The following TTC8 variants were observed in gnomAD, a reference collection of about 807,000 sequenced individuals.
TTC8 encodes tetratricopeptide repeat protein 8.
In TTC8, 47 loss-of-function variants were observed where a neutral mutation model predicts 72.5. That is an observed-to-expected ratio of 0.65 (90% CI 0.51 to 0.83). TTC8 has a LOEUF of 0.83. Among genes scored for constraint, TTC8 ranks in the 40% least tolerant of loss-of-function variants. The pLI, the probability that TTC8 is intolerant of heterozygous loss-of-function variation, is 0.00. For synonymous variants in TTC8, 199 were observed against 221.4 expected, an observed-to-expected ratio of 0.90 and a Z score of 0.90; for missense variants, 611 against 623.2, an observed-to-expected ratio of 0.98 and a Z score of 0.21.
chr14:88,843,466 A>T (rs1272781393), intron 6 of TTC8, among the ~76,000 whole-genome samples: 1 of 151,990 alleles, frequency 6.6e-6, no homozygotes, highest in East Asian at 1.9e-4. Flanking sequence ...CTAAATTATC[A>T]TTATTAATAT....
chr14:88,869,030 A>G (rs2094922681), intron 10 of TTC8, among the ~76,000 whole-genome samples: 1 of 152,222 alleles, frequency 6.6e-6, no homozygotes, highest in Non-Finnish European at 1.5e-5. Context: ...GTGCTTCTTA[A>G]CAATCAGTAG....
intron 7 of TTC8, chr14:88,846,644 T>A: frequency 6.8e-7 from 1 of 1,463,394 alleles, no homozygotes; most frequent in Non-Finnish European, 9.2e-7. Context: ...TACCCATTCT[T>A]ATTGAGGAAT....
rs142233003 is a variant in TTC8 at position 88,860,566 on chromosome 14, C to A, written c.799-656C>A. Among the ~76,000 whole-genome samples the A allele has an allele frequency of 1.2e-3, 184 of 152,272 alleles. 1 individual carries two copies. Among genetic ancestry groups the A allele is most frequent in the African/African-American group, 4.3e-3 (178 of 41,552 alleles). ...TTTATTCAGCATCTTTAACCTCAGT[C>A]TCCTAATTGGTTTCTTAATGCCAGC... On this transcript the variant is annotated intron_variant, in intron 9 of 14. Coordinates refer to ENST00000380656, the MANE Select transcript of TTC8 (RefSeq NM_144596.4).
Position 88,840,851 on chromosome 14 carries a change from A to G in TTC8, c.266-14A>G, listed in dbSNP as rs2094776901. 1.2e-6 allele frequency: 2 copies of G among 1,613,632 alleles called. No homozygotes were observed. The highest frequency in any genetic ancestry group is 2.2e-5 in the South Asian group (2 of 91,070). On this transcript the variant is annotated splice_polypyrimidine_tract_variant and intron_variant, in intron 3 of 14. Transcript: ENST00000380656. Reference sequence around the variant, plus strand: ...AGATAATATATAAATTGTATTAGCCATCTTGTCTCCTAGGCCCTGGAACGT... The same window carrying G: ...AGATAATATATAAATTGTATTAGCCGTCTTGTCTCCTAGGCCCTGGAACGT...
chr14:88,860,279 T>G (rs1367612765), intron 9 of TTC8, among the ~76,000 whole-genome samples: 1 of 152,124 alleles, frequency 6.6e-6, no homozygotes, highest in Admixed American at 6.6e-5. Context: ...ACACCCTTAC[T>G]GTTTAGAAAG....
In TTC8 at chr14:88,839,583, G is replaced by A. The variant is rs1404546954; in HGVS notation, c.265+11G>A. 1 of 1,612,316 alleles carries A rather than the reference G, an allele frequency of 6.2e-7. No individual in the cohort carries two copies. Among genetic ancestry groups the A allele is most frequent in the Admixed American group, 1.7e-5 (1 of 59,942 alleles). ...TAGCTCAAGTTCCACGTAAGTATTGGGTTTTCAGTTAAGTTAATGAAATAC... is the reference window on the plus strand; with the variant it reads ...TAGCTCAAGTTCCACGTAAGTATTGAGTTTTCAGTTAAGTTAATGAAATAC... On this transcript the variant is annotated intron_variant, in intron 3 of 14. Transcript: ENST00000380656.
intron 10 of TTC8, among the ~76,000 whole-genome samples, chr14:88,862,522 T>TTCTC (rs1262811355): frequency 1.1e-5 from 1 of 88,778 alleles, no homozygotes; most frequent in South Asian, 4.1e-4. Context: ...TTACATTCCA[T>TTCTC]TCTCTCTCTC....
chr14:88,864,030 A>G (rs2094899402), intron 10 of TTC8, among the ~76,000 whole-genome samples: 1 of 152,158 alleles, frequency 6.6e-6, no homozygotes, highest in African/African-American at 2.4e-5. Flanking sequence ...GTTTTCTTGA[A>G]ATTCCTTGAA....
At chr14:88,880,755 A>C (rs2094970245), downstream of TTC8, 1 of 152,162 alleles carries the variant, frequency 6.6e-6, no homozygotes, top group Non-Finnish European at 1.5e-5. Flanking sequence ...TTTTTTAAAA[A>C]TCACATTTCC....
chr14:88,830,194 T>C (rs528949722), intron 1 of TTC8, among the ~76,000 whole-genome samples: 1 of 152,298 alleles, frequency 6.6e-6, no homozygotes, highest in South Asian at 2.1e-4. Context: ...CAGAATTATC[T>C]GGAGATTTAA....
chr14:88,833,605 C>T, intron 1 of TTC8, 88 bp from the exon 2 acceptor site: 1 of 1,172,100 alleles, frequency 8.5e-7, no homozygotes, highest in Non-Finnish European at 1.3e-6. Context: ...TTAGAGTTCA[C>T]CTACAAATAC....
chr14:88,841,451 A>G lies in TTC8; in HGVS notation c.516A>G (p.Gly172=). Residue 172 remains glycine, a synonymous_variant, in exon 6 of 15, where the codon GGA becomes GGG. Transcript: ENST00000380656. ...CTTCCATGCTTACAAGTCCTGATGGACCATTTATAAATTTATCTAGGCTGA... is the reference window on the plus strand; with the variant it reads ...CTTCCATGCTTACAAGTCCTGATGGGCCATTTATAAATTTATCTAGGCTGA... The part of the protein sequence containing the change: ...GTASMLTSPD[G]PFINLSRLNL... The G allele has an allele frequency of 6.2e-7, 1 of 1,613,770 alleles. No individual in the cohort carries two copies. The highest frequency in any genetic ancestry group is 8.5e-7 in the Non-Finnish European group (1 of 1,179,870).
chr14:88,851,190 G>A (rs539427950), intron 7 of TTC8, among the ~76,000 whole-genome samples: 1 of 152,116 alleles, frequency 6.6e-6, no homozygotes, highest in Admixed American at 6.5e-5. Context: ...GAGATTTTAT[G>A]GTTTGTGGGG....
At chr14:88,873,782 C>A (rs1004694216) in intron 13 of TTC8, among the ~76,000 whole-genome samples, 1 of 152,088 alleles carries the variant, frequency 6.6e-6, no homozygotes, top group Non-Finnish European at 1.5e-5. Context: ...ATGTTAGCAG[C>A]CATCAAGGGC....
intron 7 of TTC8, 74 bp from the exon 8 acceptor site, chr14:88,852,897 A>G: frequency 3.2e-6 from 4 of 1,247,836 alleles, no homozygotes; most frequent in Non-Finnish European, 4.7e-6. Flanking sequence ...TATATGGTCT[A>G]TTTCATTATT....
chr14:88,833,744 A>G (rs780108596), intron 2 of TTC8, 22 bp downstream of exon 2: 3 of 1,611,352 alleles, frequency 1.9e-6, no homozygotes, highest in Non-Finnish European at 1.7e-6. Context: ...TTTAGCTGCA[A>G]CCTTTAGTTT....
Position 88,857,255 on chromosome 14 carries a change from A to G in TTC8, c.776A>G (p.Asp259Gly). The G allele has an allele frequency of 6.2e-7, 1 of 1,613,812 alleles. No homozygotes were observed. Among genetic ancestry groups the G allele is most frequent in the South Asian group, 1.1e-5 (1 of 91,086 alleles). The change falls in exon 9 of 15, where the codon GAT becomes GGT. Residue 259 changes from aspartate to glycine, a missense_variant. Physicochemically the swap from Asp to Gly is moderately conservative, Grantham distance 94. Coordinates refer to ENST00000380656, the MANE Select transcript of TTC8 (RefSeq NM_144596.4). Reference sequence around the variant, plus strand: ...GCCCTGAAGCAGCAGGAAATGGTAGATACATTTCTGTACTTGGCAAAAGTA... The same window carrying G: ...GCCCTGAAGCAGCAGGAAATGGTAGGTACATTTCTGTACTTGGCAAAAGTA... ...KSALKQQEMV[D>G]TFLYLAKVYV...
intron 9 of TTC8, among the ~76,000 whole-genome samples, chr14:88,859,521 G>A (rs1167593408): frequency 6.6e-6 from 1 of 152,040 alleles, no homozygotes; most frequent in African/African-American, 2.4e-5. Flanking sequence ...CCGAGAGGGT[G>A]TAAGGAGGGA....
Position 88,877,800 on chromosome 14 carries a change from T to G in TTC8, c.*390T>G, listed in dbSNP as rs1474688619. The G allele has an allele frequency of 2.5e-5, 4 of 159,774 alleles. No individual in the cohort carries two copies. The highest frequency in any genetic ancestry group is 9.6e-5 in the African/African-American group (4 of 41,508). 9.9% of individuals were successfully genotyped at this position (159,774 alleles called of 1,614,324 possible). On this transcript the variant is annotated 3_prime_UTR_variant, in exon 15 of 15. Transcript: ENST00000380656. ...AGCTTAAGGAGTCTGAAATCTGCCA[T>G]TAAAACTGCACCTTTAAGCCAGGTG...
Sources: gnomAD v4.1 joint callset for allele counts (sites outside exome capture counted in the v4.1 genomes callset) on GRCh38, gnomAD v4.1.1 for gene constraint, MANE v1.5 for transcripts, NCBI Gene and HGNC (gene_info 2026-07-23, HGNC 2026-07-21) for gene names.